Variants in DIS3L2 observed in about 807,000 individuals in gnomAD.
DIS3L2 encodes DIS3-like exonuclease 2.
In DIS3L2, 34 loss-of-function variants were observed where a neutral mutation model predicts 97.5. The observed-to-expected ratio is 0.35, with a 90% confidence interval of 0.27 to 0.46. DIS3L2 has a LOEUF of 0.46. Ranked by LOEUF, DIS3L2 falls within the 20% of genes least tolerant of loss-of-function variation. DIS3L2 has a pLI of 1.00. For missense variants in DIS3L2, 1,038 were observed against 1,146.0 expected (o/e 0.91, Z 1.36); for synonymous variants, 435 against 445.2 (o/e 0.98, Z 0.29).
intron 5 of DIS3L2, among the ~76,000 whole-genome samples, chr2:232,078,477 T>G (rs1490300729): frequency 6.6e-6 from 1 of 152,234 alleles, no homozygotes; most frequent in Non-Finnish European, 1.5e-5. Flanking sequence ...TGATTTAGAC[T>G]TCTTAACTCT....
intron 14 of DIS3L2, among the ~76,000 whole-genome samples, chr2:232,308,002 C>T (rs1695031030): frequency 6.6e-6 from 1 of 152,212 alleles, no homozygotes; most frequent in South Asian, 2.1e-4. Context: ...CCAGCCGTTT[C>T]TAAGCAGGCC....
chr2:232,132,811 G>C (rs1010827854), intron 7 of DIS3L2, among the ~76,000 whole-genome samples: 3 of 152,068 alleles, frequency 2.0e-5, no homozygotes, highest in Non-Finnish European at 4.4e-5. Flanking sequence ...AAGGATTCTA[G>C]AAGTGGCCCA....
intron 13 of DIS3L2, among the ~76,000 whole-genome samples, chr2:232,295,219 A>G (rs891167168): frequency 5.9e-5 from 9 of 152,162 alleles, no homozygotes; most frequent in African/African-American, 1.9e-4. Flanking sequence ...GCCCAGGTCA[A>G]CTGTTTTTCC....
intron 8 of DIS3L2, among the ~76,000 whole-genome samples, chr2:232,149,193 GT>G (rs762181547): frequency 0.04 from 5,480 of 137,596 alleles, 189 homozygotes; most frequent in African/African-American, 0.093. Flanking sequence ...GCGCTTAAAA[GT>G]TTTTTTTTTT....
chr2:232,047,328 A>G (rs1396542842), intron 5 of DIS3L2, among the ~76,000 whole-genome samples: 5 of 152,230 alleles, frequency 3.3e-5, no homozygotes, highest in African/African-American at 1.2e-4. Flanking sequence ...CTCTTTCTGT[A>G]GTTGATAGTG....
chr2:231,983,899 A>G (rs1347687787), intron 1 of DIS3L2, among the ~76,000 whole-genome samples: 3 of 151,940 alleles, frequency 2.0e-5, no homozygotes, highest in East Asian at 1.9e-4. Context: ...AAAAAAAAAA[A>G]AAAAGAAAAG....
At chr2:232,169,831 A>G (rs1351446187) in intron 9 of DIS3L2, among the ~76,000 whole-genome samples, 1 of 152,200 alleles carries the variant, frequency 6.6e-6, no homozygotes, top group East Asian at 1.9e-4. Context: ...TCATAATCCA[A>G]TTATGTCAGT....
intron 12 of DIS3L2, among the ~76,000 whole-genome samples, chr2:232,261,851 T>C (rs1693719797): frequency 1.3e-5 from 2 of 152,204 alleles, no homozygotes; most frequent in South Asian, 4.1e-4. Context: ...TCTCTAGCAG[T>C]GTAACCTTGG....
chr2:232,270,215 C>A (rs1693951786), intron 13 of DIS3L2, among the ~76,000 whole-genome samples: 1 of 152,076 alleles, frequency 6.6e-6, no homozygotes, highest in African/African-American at 2.4e-5. Flanking sequence ...GAAGCTTTAT[C>A]ATAAAAGTAA....
intron 10 of DIS3L2, among the ~76,000 whole-genome samples, chr2:232,233,363 A>G (rs1692849252): frequency 6.6e-6 from 1 of 152,184 alleles, no homozygotes. Context: ...AGTAGAAAGA[A>G]TGAGAGAGCT....
intron 1 of DIS3L2, among the ~76,000 whole-genome samples, chr2:231,963,800 C>T (rs1692632447): frequency 6.6e-6 from 1 of 152,142 alleles, no homozygotes; most frequent in South Asian, 2.1e-4. Flanking sequence ...CTCACTGCAG[C>T]CTCGATTTCC....
intron 5 of DIS3L2, among the ~76,000 whole-genome samples, chr2:232,086,911 A>T (rs967581202): frequency 6.6e-6 from 1 of 150,960 alleles, no homozygotes; most frequent in Non-Finnish European, 1.5e-5. Flanking sequence ...CAATCTCCTG[A>T]CCTCATGATC....
chr2:232,296,859 C>T (rs1694736830), intron 13 of DIS3L2, among the ~76,000 whole-genome samples: 1 of 152,182 alleles, frequency 6.6e-6, no homozygotes, highest in Non-Finnish European at 1.5e-5. Context: ...CTGTTCCAGT[C>T]CTCTCTCTCC....
intron 13 of DIS3L2, among the ~76,000 whole-genome samples, chr2:232,289,641 A>T (rs1694544450): frequency 6.6e-6 from 1 of 152,070 alleles, no homozygotes; most frequent in Non-Finnish European, 1.5e-5. Flanking sequence ...ATACTAACCC[A>T]CCCTTGAGGA....
intron 10 of DIS3L2, among the ~76,000 whole-genome samples, chr2:232,223,010 T>A (rs928783501): frequency 5.9e-5 from 9 of 152,214 alleles, no homozygotes; most frequent in Non-Finnish European, 1.2e-4. Context: ...GCTAGCTTGA[T>A]TTCTGTGGGG....
At chr2:232,137,111 T>TCC (rs1386569104) in intron 8 of DIS3L2, among the ~76,000 whole-genome samples, 3 of 152,220 alleles carry the variant, frequency 2.0e-5, no homozygotes, top group Non-Finnish European at 2.9e-5. Context: ...GACCCCAGGC[T>TCC]CCTTTGCTTT....
chr2:232,112,693 A>G (rs1235695490), intron 6 of DIS3L2, among the ~76,000 whole-genome samples: 1 of 152,146 alleles, frequency 6.6e-6, no homozygotes, highest in Non-Finnish European at 1.5e-5. Flanking sequence ...AGGGCTGGAA[A>G]CAAAGTTGTT....
intron 10 of DIS3L2, among the ~76,000 whole-genome samples, chr2:232,224,113 G>C (rs1372825456): frequency 2.6e-5 from 4 of 152,134 alleles, no homozygotes; most frequent in African/African-American, 9.7e-5. Flanking sequence ...TTGTAGTAAG[G>C]GTTATGCTGA....
Position 232,037,984 on chromosome 2 carries a change from A to G in DIS3L2, c.366+7904A>G, listed in dbSNP as rs1270157818. Among the ~76,000 whole-genome samples the G allele has an allele frequency of 6.6e-6, 1 of 152,160 alleles. No homozygotes were observed. The highest frequency in any genetic ancestry group is 1.5e-5 in the Non-Finnish European group (1 of 68,022). ...AGGCAGAAGCTGTTCCTATTTGACC[A>G]TTTTGTCTGGGAATCCTCTTTTTTC... On this transcript the variant is annotated intron_variant, in intron 5 of 20. Coordinates refer to ENST00000325385, the MANE Select transcript of DIS3L2 (RefSeq NM_152383.5). The surrounding 1 kb of genome is among the most constrained non-coding windows in gnomAD (Gnocchi z 4.6).
Sources: gnomAD v4.1 joint callset for allele counts (sites outside exome capture counted in the v4.1 genomes callset) on GRCh38, gnomAD v4.1.1 for gene constraint, Gnocchi (gnomAD v3.1) non-coding constraint, MANE v1.5 for transcripts, NCBI Gene and HGNC (gene_info 2026-07-23, HGNC 2026-07-21) for gene names.